KBTBD11: variants seen among roughly 807,000 people sequenced by gnomAD.
KBTBD11 encodes the protein kelch repeat and BTB domain-containing protein 11.
For synonymous variants in KBTBD11, 747 were observed against 499.0 expected, an observed-to-expected ratio of 1.50 and a Z score of -6.63; for missense variants, 1,390 against 1,001.8, an observed-to-expected ratio of 1.39 and a Z score of -5.23.
At chr8:1,976,351 T>G (rs1206380944) in intron 1 of KBTBD11, 1 of 152,216 alleles carries the variant, frequency 6.6e-6, no homozygotes, top group African/African-American at 2.4e-5. Flanking sequence ...ATCCAGCACA[T>G]GTTTGCAAAG....
chr8:2,002,183 C>T lies in KBTBD11; in HGVS notation c.991C>T (p.His331Tyr), dbSNP rs1013821251. 4 of 1,246,924 alleles carry T rather than the reference C, an allele frequency of 3.2e-6. No homozygotes were observed. The highest frequency in any genetic ancestry group is 4.0e-6 in the Non-Finnish European group (4 of 998,132). The allele number at this position is 1,246,924 out of a possible 1,614,324, so 77.2% of individuals were successfully genotyped here. ...CGGGGACGCGGCCGTCTACTGCTTC[C>T]ACGCGGCGGCCGGAGAGTGGCGCGA... Reference protein sequence around the residue: ...ARGDAAVYCFHAAAGEWRELT... With the variant: ...ARGDAAVYCFYAAAGEWRELT... Residue 331 changes from histidine (H) to tyrosine (Y), a missense_variant, in exon 2 of 2, where the codon CAC (histidine) becomes TAC (tyrosine). Physicochemically the swap from His to Tyr is moderately conservative, Grantham distance 83. Coordinates refer to ENST00000320248, the MANE Select transcript of KBTBD11 (RefSeq NM_014867.3). The surrounding 1 kb of genome is among the most constrained non-coding windows in gnomAD (Gnocchi z 4.1).
At position 2,002,675 on chromosome 8, in the gene KBTBD11, ATGG is replaced by A; in HGVS notation, c.1487_1489del (p.Val496del). 1 of 1,568,614 alleles carries A rather than the reference ATGG, an allele frequency of 6.4e-7. No individual in the cohort carries two copies. The highest frequency in any genetic ancestry group is 8.6e-7 in the Non-Finnish European group (1 of 1,166,342). Reference sequence around the variant, plus strand: ...CAGCAGCCGCGAGCGCTCGGCCGACATGGTGGCTCTCGACGGCTTCATCTACCG... The same window carrying A: ...CAGCAGCCGCGAGCGCTCGGCCGACATGGCTCTCGACGGCTTCATCTACCG... On this transcript the variant is annotated inframe_deletion, in exon 2 of 2. Coordinates refer to ENST00000320248, the MANE Select transcript of KBTBD11 (RefSeq NM_014867.3). The surrounding 1 kb of genome is among the most constrained non-coding windows in gnomAD (Gnocchi z 4.1).
chr8:1,987,895 C>T (rs538810594), intron 1 of KBTBD11, among the ~76,000 whole-genome samples: 25 of 152,224 alleles, frequency 1.6e-4, no homozygotes, highest in Admixed American at 1.4e-3. Context: ...TCCCCAGCCC[C>T]CGACGGGCCC....
rs780734115 is a variant in KBTBD11 at position 2,001,327 on chromosome 8, C to G, written c.135C>G (p.Ser45=). 1.3e-6 allele frequency: 2 copies of G among 1,514,858 alleles called. No homozygotes were observed. The highest frequency in any genetic ancestry group is 8.8e-7 in the Non-Finnish European group (1 of 1,138,952). 93.8% of individuals were successfully genotyped at this position (1,514,858 alleles called of 1,614,324 possible). A position where few individuals can be genotyped will look rare whatever the true frequency, so the allele number is the denominator to read the frequency against. ...CSLGASLCFS[S]GEESPPQSLA... Reference sequence around the variant, plus strand: ...TCGGCGCGTCCCTGTGCTTCAGCTCCGGGGAAGAGTCCCCGCCGCAGTCCC... The same window carrying G: ...TCGGCGCGTCCCTGTGCTTCAGCTCGGGGGAAGAGTCCCCGCCGCAGTCCC... The change falls in exon 2 of 2, where the codon TCC becomes TCG. Residue 45 remains serine, a synonymous_variant. Coordinates refer to ENST00000320248, the MANE Select transcript of KBTBD11 (RefSeq NM_014867.3).
intron 1 of KBTBD11, chr8:1,974,399 G>T (rs1021623923): frequency 1.0e-6 from 1 of 984,678 alleles, no homozygotes. Context: ...GAAGCCAAGC[G>T]CGCGGGGCCA....
At position 2,001,750 on chromosome 8, in the gene KBTBD11, G is replaced by A. The variant is rs1369999766; in HGVS notation, c.558G>A (p.Leu186=). The change falls in exon 2 of 2, where the codon CTG becomes CTA. Residue 186 remains leucine (L), a synonymous_variant. Coordinates refer to ENST00000320248, the MANE Select transcript of KBTBD11 (RefSeq NM_014867.3). The stretch of plus-strand genomic sequence containing the variant: ...GAGTGAGCCTGACGGCGCTGCGGCT[G>A]CTCCTCGCCGACGCCTACAGCGGGC... ...VQGVSLTALR[L]LLADAYSGRM... The A allele has an allele frequency of 3.8e-6, 5 of 1,322,984 alleles. No homozygotes were observed. The African/African-American group carries it at 4.6e-5, about 12-fold the overall frequency. 82.0% of individuals were successfully genotyped at this position (1,322,984 alleles called of 1,614,324 possible).
intron 1 of KBTBD11, among the ~76,000 whole-genome samples, chr8:1,989,780 G>A (rs917337684): frequency 1.3e-5 from 2 of 152,138 alleles, no homozygotes; most frequent in African/African-American, 4.8e-5. Context: ...AGAGTCGGAA[G>A]CAGGCATCCT....
At chr8:1,993,299 T>C (rs552971517) in intron 1 of KBTBD11, among the ~76,000 whole-genome samples, 1 of 152,166 alleles carries the variant, frequency 6.6e-6, no homozygotes, top group Admixed American at 6.5e-5. Flanking sequence ...TTTCCCTAGC[T>C]AACATGCATT....
chr8:1,998,492 C>G (rs1436812673), intron 1 of KBTBD11, among the ~76,000 whole-genome samples: 1 of 152,176 alleles, frequency 6.6e-6, no homozygotes, highest in Admixed American at 6.5e-5. Context: ...GCATGACTTC[C>G]CTTCAGTCTG....
intron 1 of KBTBD11, among the ~76,000 whole-genome samples, chr8:1,985,502 C>A (rs1182325014): frequency 6.6e-6 from 1 of 152,288 alleles, no homozygotes; most frequent in Admixed American, 6.5e-5. Flanking sequence ...CCACACACGG[C>A]AGCCTGCTCA....
intron 1 of KBTBD11, among the ~76,000 whole-genome samples, chr8:1,985,921 T>C (rs1392102793): frequency 1.3e-5 from 2 of 152,268 alleles, no homozygotes; most frequent in East Asian, 3.8e-4. Flanking sequence ...TCTCAAGGTA[T>C]AATTGTAGAC....
At chr8:1,998,049 G>C (rs1036921707) in intron 1 of KBTBD11, among the ~76,000 whole-genome samples, 3 of 152,304 alleles carry the variant, frequency 2.0e-5, no homozygotes, top group Non-Finnish European at 2.9e-5. Context: ...TTCTAACCCA[G>C]GTGTGAGTTG....
chr8:1,982,013 G>A (rs1190636252), intron 1 of KBTBD11, among the ~76,000 whole-genome samples: 1 of 152,116 alleles, frequency 6.6e-6, no homozygotes. Context: ...TAGCCTTTCT[G>A]TTGGTTCTGC....
intron 1 of KBTBD11, among the ~76,000 whole-genome samples, chr8:1,977,641 A>G (rs191083328): frequency 5.8e-4 from 89 of 152,260 alleles, no homozygotes; most frequent in Middle Eastern, 3.4e-3. Context: ...CTCATGTCTC[A>G]GTCTCTCGAG....
At chr8:1,999,490 C>T (rs1817264442) in intron 1 of KBTBD11, among the ~76,000 whole-genome samples, 1 of 152,144 alleles carries the variant, frequency 6.6e-6, no homozygotes, top group African/African-American at 2.4e-5. Context: ...AGTTTCTTCC[C>T]AGTATGTTAG....
chr8:1,977,824 C>G (rs947657806), intron 1 of KBTBD11, among the ~76,000 whole-genome samples: 3 of 152,178 alleles, frequency 2.0e-5, no homozygotes, highest in Non-Finnish European at 4.4e-5. Context: ...GCATGAACCA[C>G]CACTCCCAGC....
intron 1 of KBTBD11, among the ~76,000 whole-genome samples, chr8:1,985,193 G>A (rs1237196213): frequency 6.6e-6 from 1 of 152,246 alleles, no homozygotes; most frequent in Non-Finnish European, 1.5e-5. Flanking sequence ...GACCCGGCAG[G>A]AGAAGGCAGA....
intron 1 of KBTBD11, among the ~76,000 whole-genome samples, chr8:1,994,707 C>T (rs773458461): frequency 6.6e-6 from 1 of 152,192 alleles, no homozygotes; most frequent in Non-Finnish European, 1.5e-5. Context: ...TTCGGACTCA[C>T]GTGTTGTCAG....
At chr8:1,989,556 C>T (rs750394794) in intron 1 of KBTBD11, among the ~76,000 whole-genome samples, 20 of 152,258 alleles carry the variant, frequency 1.3e-4, no homozygotes, top group Non-Finnish European at 2.5e-4. Context: ...AGCTCCATAC[C>T]GCATGGATCT....
Sources: gnomAD v4.1 joint callset for allele counts (sites outside exome capture counted in the v4.1 genomes callset) on GRCh38, gnomAD v4.1.1 for gene constraint, Gnocchi (gnomAD v3.1) non-coding constraint, MANE v1.5 for transcripts, NCBI Gene and HGNC (gene_info 2026-07-23, HGNC 2026-07-21) for gene names.